The following HTT variants were observed in gnomAD, a reference collection of about 807,000 sequenced individuals.
HTT encodes huntingtin.
A neutral mutation model predicts 362.3 loss-of-function variants in HTT; 104 were observed. The ratio of observed to expected loss-of-function variants is 0.29; its 90% confidence interval spans 0.24 to 0.34. The LOEUF is 0.34. HTT is among the 10% of genes least tolerant of loss of function. The probability of loss-of-function intolerance (pLI) is 1.00; values close to 1 mark genes in which losing one functional copy is unlikely to be tolerated. For synonymous variants in HTT, 1,577 were observed against 1,548.7 expected (o/e 1.02, Z -0.43); for missense variants, 3,301 against 3,928.6 (o/e 0.84, Z 4.27).
rs1065745 is a variant in HTT at position 3,121,347 on chromosome 4, C to T, written c.1188C>T (p.Thr396=). 73,521 of 1,613,760 alleles carry T rather than the reference C, an allele frequency of 0.046. 2,206 individuals carry two copies. The highest frequency in any genetic ancestry group is 0.13 in the African/African-American group (9,945 of 74,998). Residue 396 remains threonine (T), a synonymous_variant, in exon 9 of 67, where the codon ACC becomes ACT. Coordinates refer to ENST00000355072, the MANE Select transcript of HTT (RefSeq NM_001388492.1). ...TPPPELLQTL[T]AVGGIGQLTA... The stretch of plus-strand genomic sequence containing the variant: ...CACCCGAGCTTCTGCAAACCCTGAC[C>T]GCAGTCGGGGGCATTGGGCAGCTCA...
Position 3,206,266 on chromosome 4 carries a change from GGCCTAACTTCACACA to G in HTT, c.5719-225_5719-211del, listed in dbSNP as rs1358212890. Among the ~76,000 whole-genome samples, 1 of 151,098 alleles carries G rather than the reference GGCCTAACTTCACACA, an allele frequency of 6.6e-6. No individual in the cohort carries two copies. The highest frequency in any genetic ancestry group is 1.9e-4 in the East Asian group (1 of 5,200). On this transcript the variant is annotated intron_variant, in intron 42 of 66. Transcript: ENST00000355072. This position sits in a 1 kb window ranked among gnomAD's most constrained non-coding sequence, Gnocchi z 4.6. The stretch of plus-strand genomic sequence containing the variant: ...ACTGCTGTACCCTACTTCCCCAGGG[GGCCTAACTTCACACA>G]GCCTCTGCCGCAGTGCGTGGTTGGA...
At chr4:3,167,019 G>A (rs1269170907) in intron 29 of HTT, among the ~76,000 whole-genome samples, 2 of 152,208 alleles carry the variant, frequency 1.3e-5, no homozygotes, top group African/African-American at 4.8e-5. Flanking sequence ...TGTCTTCTGT[G>A]TCGATCTCAC....
intron 29 of HTT, among the ~76,000 whole-genome samples, chr4:3,170,320 C>G (rs1039300346): frequency 2.0e-5 from 3 of 151,934 alleles, no homozygotes; most frequent in Non-Finnish European, 4.4e-5. Flanking sequence ...CTAATTATTC[C>G]TCTTTAGGAA....
At chr4:3,079,332 C>T (rs1192241539) in intron 1 of HTT, among the ~76,000 whole-genome samples, 1 of 149,322 alleles carries the variant, frequency 6.7e-6, no homozygotes, top group African/African-American at 2.5e-5. Flanking sequence ...TCGTAGCTCA[C>T]TTCAGCCTTG....
chr4:3,219,616 C>T (rs1022147149), intron 52 of HTT, among the ~76,000 whole-genome samples: 3 of 152,106 alleles, frequency 2.0e-5, no homozygotes, highest in Non-Finnish European at 4.4e-5. Context: ...TCCGTTGGGT[C>T]CTTTGTCACC....
intron 40 of HTT, among the ~76,000 whole-genome samples, chr4:3,194,470 C>G (rs1183692664): frequency 6.6e-6 from 1 of 152,220 alleles, no homozygotes; most frequent in East Asian, 1.9e-4. Context: ...GTGGAAACAT[C>G]AGCTTTGTTT....
At chr4:3,203,764 A>T (rs1719705593) in intron 41 of HTT, among the ~76,000 whole-genome samples, 1 of 152,254 alleles carries the variant, frequency 6.6e-6, no homozygotes, top group Non-Finnish European at 1.5e-5. Flanking sequence ...TTTGCTATTC[A>T]GGCAAGCATT....
intron 57 of HTT, among the ~76,000 whole-genome samples, chr4:3,226,782 G>A (rs1198319992): frequency 6.6e-6 from 1 of 152,260 alleles, no homozygotes; most frequent in Non-Finnish European, 1.5e-5. Flanking sequence ...ACCCTGTGAT[G>A]TCACAAGCCT....
Position 3,160,396 on chromosome 4 carries a change from TG to T in HTT, c.3864+5del. ...CACACTGCAGGACATTGGGAAGGTTTGTGTCTTGTTTTTTCTCCTTGGGTTG... is the reference window on the plus strand; with the variant it reads ...CACACTGCAGGACATTGGGAAGGTTTTGTCTTGTTTTTTCTCCTTGGGTTG... On this transcript the variant is annotated splice_donor_5th_base_variant and intron_variant, in intron 29 of 66. Coordinates refer to ENST00000355072, the MANE Select transcript of HTT (RefSeq NM_001388492.1). 6.5e-7 allele frequency: 1 copy of T among 1,532,180 alleles called. No homozygotes were observed. The highest frequency in any genetic ancestry group is 8.9e-7 in the Non-Finnish European group (1 of 1,128,448). 94.9% of individuals were successfully genotyped at this position (1,532,180 alleles called of 1,614,324 possible).
rs1718182309 is a variant in HTT, at chr4:3,175,158, A to G, written c.4407+51A>G. ...TCATACCTGTTCCTAATTTAGTACA[A>G]ATTACCCTAAAAGACACTGAAATCT... is the stretch of plus-strand genomic sequence containing the variant. On this transcript the variant is annotated intron_variant, in intron 33 of 66. Transcript: ENST00000355072. The G allele has an allele frequency of 2.7e-6, 4 of 1,502,672 alleles. No homozygotes were observed. In the African/African-American group the frequency reaches 4.2e-5, roughly 16 times the overall value. 93.1% of individuals were successfully genotyped at this position (1,502,672 alleles called of 1,614,324 possible).
intron 37 of HTT, among the ~76,000 whole-genome samples, chr4:3,185,867 C>A (rs939472832): frequency 4.0e-5 from 6 of 150,878 alleles, no homozygotes; most frequent in African/African-American, 1.5e-4. Context: ...TCCTGGGGCA[C>A]AGAGTGAGAC....
Position 3,132,618 on chromosome 4 carries a change from C to A in HTT, c.2293C>A (p.Arg765=), listed in dbSNP as rs1478932915. ...NYIDHGDPQV[R]GATAILCGTL... is the part of the protein sequence containing the mutation. Reference sequence around the variant, plus strand: ...CATCGATCATGGAGACCCACAGGTTCGAGGAGCCACTGCCATTCTCTGTGG... The same window carrying A: ...CATCGATCATGGAGACCCACAGGTTAGAGGAGCCACTGCCATTCTCTGTGG... The change falls in exon 17 of 67, where the codon CGA becomes AGA. Residue 765 remains arginine, a synonymous_variant. Transcript: ENST00000355072. The A allele has an allele frequency of 6.2e-7, 1 of 1,613,786 alleles. No homozygotes were observed. The highest frequency in any genetic ancestry group is 1.3e-5 in the African/African-American group (1 of 74,998).
intron 21 of HTT, among the ~76,000 whole-genome samples, chr4:3,138,955 A>G (rs1169877632): frequency 1.3e-5 from 2 of 152,206 alleles, no homozygotes; most frequent in African/African-American, 4.8e-5. Flanking sequence ...TGAAAGTAAT[A>G]CATGTTTAAT....
intron 33 of HTT, among the ~76,000 whole-genome samples, chr4:3,177,101 T>C (rs1440077026): frequency 6.6e-6 from 1 of 152,252 alleles, no homozygotes; most frequent in East Asian, 1.9e-4. Context: ...ATTTATTATT[T>C]GTTTTTCCAA....
At chr4:3,176,025 G>GTTTTTTTTTTTTTT (rs777646822) in intron 33 of HTT, among the ~76,000 whole-genome samples, 4 of 139,198 alleles carry the variant, frequency 2.9e-5, no homozygotes, top group African/African-American at 8.9e-5. Context: ...GTTGTTGTTT[G>GTTTTTTTTTTTTTT]TTTTTTTTTG....
intron 37 of HTT, among the ~76,000 whole-genome samples, chr4:3,182,903 G>T (rs911680116): frequency 6.6e-6 from 1 of 151,774 alleles, no homozygotes; most frequent in African/African-American, 2.4e-5. Context: ...TTTCCTTTCC[G>T]ACAGGGTCTC....
At position 3,239,954 on chromosome 4, in the gene HTT, C is replaced by T. The variant is rs1484373657; in HGVS notation, c.9324C>T (p.Asp3108=). 6.3e-7 allele frequency: 1 copy of T among 1,591,436 alleles called. No individual in the cohort carries two copies. The highest frequency in any genetic ancestry group is 1.3e-5 in the African/African-American group (1 of 74,764). ...GACACCAGATAGAGGAGGAGCTCGA[C>T]CGCAGGGCCTTCCAGTCTGTGCTTG... ...FYRHQIEEEL[D]RRAFQSVLEV... Residue 3108 remains aspartate (D), a synonymous_variant, in exon 67 of 67, where the codon GAC becomes GAT. Transcript: ENST00000355072.
At chr4:3,090,412 A>G (rs1393236555) in intron 2 of HTT, among the ~76,000 whole-genome samples, 2 of 152,248 alleles carry the variant, frequency 1.3e-5, no homozygotes, top group Non-Finnish European at 2.9e-5. Context: ...ATTTTTCACA[A>G]GTATCCTCTT....
Position 3,086,309 on chromosome 4 carries a change from T to C in HTT, c.264-630T>C, listed in dbSNP as rs147378517. 2.7e-3 allele frequency among the ~76,000 whole-genome samples: 416 copies of C among 152,314 alleles called. 1 individual carries two copies. The highest frequency in any genetic ancestry group is 9.4e-3 in the African/African-American group (391 of 41,564). On this transcript the variant is annotated intron_variant, in intron 1 of 66. Coordinates refer to ENST00000355072, the MANE Select transcript of HTT (RefSeq NM_001388492.1). The stretch of plus-strand genomic sequence containing the variant: ...AGAAGACCTGGGTTTAAATGCTGGC[T>C]GTATGACTTCATATCTGTGTGATCT...
Sources: gnomAD v4.1 joint callset for allele counts (sites outside exome capture counted in the v4.1 genomes callset) on GRCh38, gnomAD v4.1.1 for gene constraint, Gnocchi (gnomAD v3.1) non-coding constraint, MANE v1.5 for transcripts, NCBI Gene and HGNC (gene_info 2026-07-23, HGNC 2026-07-21) for gene names.